Variants in ADD1 observed in about 807,000 individuals in gnomAD.
ADD1 encodes the protein alpha-adducin.
Under a neutral mutation model 80.5 loss-of-function variants are expected in ADD1, and 24 were observed. That is an observed-to-expected ratio of 0.30 (90% confidence interval 0.22 to 0.42). The LOEUF (loss-of-function observed/expected upper bound fraction) is 0.42, where lower values mean the gene tolerates loss of function less well. Ranked by LOEUF, ADD1 falls within the 10% of genes least tolerant of loss-of-function variation. The pLI is 1.00. For synonymous variants in ADD1, 373 were observed against 393.8 expected, an observed-to-expected ratio of 0.95 and a Z score of 0.63; for missense variants, 948 against 1,019.0, an observed-to-expected ratio of 0.93 and a Z score of 0.95.
At chr4:2,847,646 G>T (rs1726447214) in intron 1 of ADD1, among the ~76,000 whole-genome samples, 1 of 151,994 alleles carries the variant, frequency 6.6e-6, no homozygotes, top group South Asian at 2.1e-4. Flanking sequence ...CTGTGACACA[G>T]CCTCCAGAAG....
In ADD1 at chr4:2,912,867, C is replaced by T. The variant is rs542230105; in HGVS notation, c.1792-2017C>T. 7.2e-5 allele frequency among the ~76,000 whole-genome samples: 11 copies of T among 152,144 alleles called. No homozygotes were observed. In the East Asian group the frequency reaches 7.7e-4, roughly 11 times the overall value. ...GTTTGTTTGTTTGTTTTGTTTGAGA[C>T]GGAGTCTTGCTCTGTTGCCCAGGTT... On this transcript the variant is annotated intron_variant, in intron 13 of 15. Coordinates refer to ENST00000683351, the MANE Select transcript of ADD1 (RefSeq NM_001354761.2).
intron 8 of ADD1, 46 bp from the exon 9 acceptor site, chr4:2,899,213 G>A (rs1735762834): frequency 6.4e-7 from 1 of 1,554,580 alleles, no homozygotes; most frequent in African/African-American, 1.4e-5. Context: ...TGACCCTCTT[G>A]ATCTCAGTAA....
intron 1 of ADD1, among the ~76,000 whole-genome samples, chr4:2,846,247 T>C (rs1309919964): frequency 6.6e-6 from 1 of 152,214 alleles, no homozygotes; most frequent in Admixed American, 6.5e-5. Flanking sequence ...AGTTTTCTCT[T>C]GTAATTTATT....
chr4:2,897,894 T>C (rs1191125392), intron 6 of ADD1, among the ~76,000 whole-genome samples: 2 of 152,146 alleles, frequency 1.3e-5, no homozygotes, highest in East Asian at 1.9e-4. Flanking sequence ...GATGCAGTGC[T>C]CATTGTATAA....
At chr4:2,905,278 G>A (rs34241425) in intron 10 of ADD1, 170 bp downstream of exon 10, 7,239 of 631,242 alleles carry the variant, frequency 0.011, 101 homozygotes, top group African/African-American at 0.046. Context: ...ACTAAAATTC[G>A]GATAATACTA....
intron 1 of ADD1, among the ~76,000 whole-genome samples, chr4:2,858,155 C>A (rs1577445058): frequency 6.6e-6 from 1 of 152,170 alleles, no homozygotes; most frequent in Non-Finnish European, 1.5e-5. Context: ...TGTCCCCCTG[C>A]AAATACCAAG....
At chr4:2,851,087 G>A (rs186196017) in intron 1 of ADD1, among the ~76,000 whole-genome samples, 75 of 152,224 alleles carry the variant, frequency 4.9e-4, no homozygotes, top group Non-Finnish European at 8.8e-5. Flanking sequence ...TTGCTCTATT[G>A]TTCAGGTTGG....
At chr4:2,858,266 AT>A (rs1182112413) in intron 1 of ADD1, among the ~76,000 whole-genome samples, 1 of 152,234 alleles carries the variant, frequency 6.6e-6, no homozygotes, top group Admixed American at 6.5e-5. Flanking sequence ...GCTACTGCTA[AT>A]AATAATAGTG....
At chr4:2,908,786 C>T (rs1379810383) in intron 12 of ADD1, 182 bp downstream of exon 12, 6 of 611,930 alleles carry the variant, frequency 9.8e-6, no homozygotes, top group Admixed American at 5.6e-5. Flanking sequence ...CTAGAAGGAG[C>T]GAGCATGCTG....
intron 4 of ADD1, among the ~76,000 whole-genome samples, chr4:2,892,399 G>C (rs1734439364): frequency 6.6e-6 from 1 of 152,166 alleles, no homozygotes; most frequent in African/African-American, 2.4e-5. Flanking sequence ...TTTTACTGCT[G>C]TATTCCTAGT....
chr4:2,876,244 A>G (rs984055644), intron 2 of ADD1, 134 bp downstream of exon 2: 3 of 764,092 alleles, frequency 3.9e-6, no homozygotes, highest in Middle Eastern at 2.5e-4. Context: ...GTATACGTAT[A>G]TGGTTGTTGA....
chr4:2,888,804 G>A (rs1733826013), intron 4 of ADD1, among the ~76,000 whole-genome samples: 1 of 151,972 alleles, frequency 6.6e-6, no homozygotes, highest in Non-Finnish European at 1.5e-5. Flanking sequence ...AGCAAATGTT[G>A]TATACTATGA....
intron 1 of ADD1, among the ~76,000 whole-genome samples, chr4:2,851,641 A>T (rs534058018): frequency 1.3e-5 from 2 of 152,250 alleles, no homozygotes; most frequent in African/African-American, 4.8e-5. Flanking sequence ...CCTTGTTGCC[A>T]GATGATACCA....
At chr4:2,908,715 A>G in intron 12 of ADD1, 111 bp downstream of exon 12, 4 of 888,166 alleles carry the variant, frequency 4.5e-6, no homozygotes, top group Non-Finnish European at 7.2e-6. Context: ...ATTCTAGGCA[A>G]CCAGTTACCT....
At chr4:2,878,094 T>G (rs1577525025) in intron 2 of ADD1, among the ~76,000 whole-genome samples, 1 of 149,720 alleles carries the variant, frequency 6.7e-6, no homozygotes, top group African/African-American at 2.5e-5. Flanking sequence ...AGTGGCAGAG[T>G]GAGGTTGGAG....
At position 2,864,675 on chromosome 4, in the gene ADD1, A is replaced by G. The variant is rs913981215; in HGVS notation, c.-20-11221A>G. 2.6e-5 allele frequency among the ~76,000 whole-genome samples: 4 copies of G among 151,688 alleles called. No individual in the cohort carries two copies. The East Asian group carries it at 7.7e-4, about 29-fold the overall frequency. ...CTTATAATCACTCTTAGGTGTTTAC[A>G]CTTCCTTCCTTTTTCTTGTCAGGGT... On this transcript the variant is annotated intron_variant, in intron 1 of 15. Transcript: ENST00000683351.
At position 2,894,096 on chromosome 4, in the gene ADD1, A is replaced by G; in HGVS notation, c.591+3A>G. On this transcript the variant is annotated splice_donor_region_variant and intron_variant, in intron 5 of 15. Transcript: ENST00000683351. ...GTGAAGTGACTGCATCCAGTTTGGT[A>G]AGAATGTCCTTCTCTTTGGCAGCTT... 6.2e-7 allele frequency: 1 copy of G among 1,612,538 alleles called. No individual in the cohort carries two copies. The highest frequency in any genetic ancestry group is 8.5e-7 in the Non-Finnish European group (1 of 1,178,516).
Position 2,914,937 on chromosome 4 carries a change from C to T in ADD1, c.1845C>T (p.His615=), listed in dbSNP as rs749929691. 1.1e-5 allele frequency: 17 copies of T among 1,614,074 alleles called. No individual in the cohort carries two copies. Among genetic ancestry groups the T allele is most frequent in the Admixed American group, 5.0e-5 (3 of 60,002 alleles). ...TCATTGAAAAGGAGTACCAGCCCCA[C>T]GTCATTGTGAGCACCACGGGCCCCA... is the stretch of plus-strand genomic sequence containing the variant. ...KAIIEKEYQP[H]VIVSTTGPNP... is the part of the protein sequence containing the mutation. The change falls in exon 14 of 16, where the codon CAC becomes CAT. Residue 615 remains histidine (H), a synonymous_variant. Transcript: ENST00000683351.
chr4:2,903,403 T>G (rs1736518373), intron 9 of ADD1, among the ~76,000 whole-genome samples: 1 of 152,156 alleles, frequency 6.6e-6, no homozygotes, highest in African/African-American at 2.4e-5. Flanking sequence ...CTAGCTTCTG[T>G]GGGGCAGGAG....
Sources: allele counts gnomAD v4.1 joint callset (sites outside exome capture counted in the v4.1 genomes callset), GRCh38; gene constraint gnomAD v4.1.1; transcripts MANE v1.5; gene names NCBI Gene and HGNC (gene_info 2026-07-23, HGNC 2026-07-21).